Variants in PPFIA1 observed in about 807,000 individuals in gnomAD.
PPFIA1 encodes liprin-alpha-1.
Under a neutral mutation model 149.9 loss-of-function variants are expected in PPFIA1, and 25 were observed. The ratio of observed to expected loss-of-function variants is 0.17; its 90% confidence interval spans 0.12 to 0.23. The LOEUF (loss-of-function observed/expected upper bound fraction) is 0.23. PPFIA1 is among the 10% of genes least tolerant of loss of function. PPFIA1 has a pLI of 1.00. For synonymous variants in PPFIA1, 549 were observed against 552.8 expected, an observed-to-expected ratio of 0.99 and a Z score of 0.10; for missense variants, 1,362 against 1,506.5, an observed-to-expected ratio of 0.90 and a Z score of 1.59.
intron 25 of PPFIA1, among the ~76,000 whole-genome samples, chr11:70,377,267 C>G (rs989595518): frequency 6.6e-6 from 1 of 152,112 alleles, no homozygotes. Context: ...CTACCCCAGT[C>G]CAGAGTGTAC....
intron 2 of PPFIA1, chr11:70,278,966 A>G: frequency 1.6e-6 from 1 of 614,670 alleles, no homozygotes; most frequent in South Asian, 1.5e-5. Flanking sequence ...GGATGTGTGG[A>G]ATGACACCTT....
chr11:70,303,221 G>A (rs1049323562), intron 2 of PPFIA1, among the ~76,000 whole-genome samples: 2 of 152,090 alleles, frequency 1.3e-5, no homozygotes, highest in African/African-American at 4.8e-5. Context: ...CAGCCCTACC[G>A]CGTGTTCGAG....
rs116051370 is a variant in PPFIA1 at position 70,377,986 on chromosome 11, T to C, written c.3385-44T>C. 2.2e-4 allele frequency: 328 copies of C among 1,498,018 alleles called. 2 individuals carry two copies. The African/African-American group carries it at 4.0e-3, about 18-fold the overall frequency. The allele number at this position is 1,498,018 out of a possible 1,614,324, so 92.8% of individuals were successfully genotyped here. A position where few individuals can be genotyped will look rare whatever the true frequency, so the allele number is the denominator to read the frequency against. ...ACATGTAACTTTACATCTCTGACCT[T>C]TATTTTTTAAATGAATCTTGTTTTT... is the stretch of plus-strand genomic sequence containing the variant. On this transcript the variant is annotated intron_variant, in intron 25 of 27. Coordinates refer to ENST00000253925, the MANE Select transcript of PPFIA1 (RefSeq NM_003626.5).
intron 2 of PPFIA1, among the ~76,000 whole-genome samples, chr11:70,277,232 T>C (rs7933864): frequency 6.6e-6 from 1 of 151,462 alleles, no homozygotes; most frequent in East Asian, 1.9e-4. Context: ...CCCCAGCTGG[T>C]CTTCAACTCC....
In PPFIA1 at chr11:70,308,134, C is replaced by G. The variant is rs2052993886; in HGVS notation, c.265-16268C>G. Among the ~76,000 whole-genome samples the G allele has an allele frequency of 2.6e-5, 4 of 152,202 alleles. No individual in the cohort carries two copies. The South Asian group carries it at 8.3e-4, about 32-fold the overall frequency. On this transcript the variant is annotated intron_variant, in intron 2 of 27. Coordinates refer to ENST00000253925, the MANE Select transcript of PPFIA1 (RefSeq NM_003626.5). ...TGCGATCTCGGCTCACCGCAACCTT[C>G]GCCTCCTGGGATCAAGCGATTCTCC... is the stretch of plus-strand genomic sequence containing the variant.
At chr11:70,345,349 A>G (rs1022023301) in intron 15 of PPFIA1, among the ~76,000 whole-genome samples, 3 of 151,332 alleles carry the variant, frequency 2.0e-5, no homozygotes, top group African/African-American at 4.9e-5. Flanking sequence ...AAGAATTTTA[A>G]GAAGGGAGGC....
intron 2 of PPFIA1, among the ~76,000 whole-genome samples, chr11:70,299,784 G>A (rs942023535): frequency 6.6e-6 from 1 of 152,028 alleles, no homozygotes; most frequent in African/African-American, 2.4e-5. Flanking sequence ...ATACACACTC[G>A]CCTTTGATGT....
chr11:70,360,659 G>A (rs973050485), intron 19 of PPFIA1, among the ~76,000 whole-genome samples: 5 of 152,368 alleles, frequency 3.3e-5, no homozygotes, highest in Admixed American at 6.5e-5. Flanking sequence ...GGTGATTGGC[G>A]CCATGCAGCG....
intron 18 of PPFIA1, 22 bp downstream of exon 18, chr11:70,355,833 T>G: frequency 6.3e-7 from 1 of 1,594,868 alleles, no homozygotes; most frequent in Non-Finnish European, 8.5e-7. Context: ...TTCCGCACCC[T>G]TCTCAGCACC....
intron 19 of PPFIA1, among the ~76,000 whole-genome samples, chr11:70,358,908 G>C (rs1044315368): frequency 6.6e-6 from 1 of 152,160 alleles, no homozygotes; most frequent in Admixed American, 6.5e-5. Flanking sequence ...ATTCCCCAGC[G>C]TTCTTGAAAC....
intron 15 of PPFIA1, 72 bp downstream of exon 15, chr11:70,343,964 GTC>G (rs2055518392): frequency 7.6e-7 from 1 of 1,317,298 alleles, no homozygotes; most frequent in African/African-American, 1.5e-5. Context: ...GCCTGGAAAA[GTC>G]TGGATGAAAT....
intron 21 of PPFIA1, chr11:70,364,449 T>C (rs903014765): frequency 1.3e-5 from 2 of 152,230 alleles, no homozygotes; most frequent in South Asian, 4.1e-4. Flanking sequence ...GCTTTTAGTC[T>C]CCTCAGGAGA....
intron 2 of PPFIA1, among the ~76,000 whole-genome samples, chr11:70,314,931 G>C (rs925822773): frequency 6.6e-6 from 1 of 152,196 alleles, no homozygotes; most frequent in Non-Finnish European, 1.5e-5. Flanking sequence ...AGGCAAAGGA[G>C]AAGCAGGCAC....
At chr11:70,375,279 G>A (rs2057445479) in intron 24 of PPFIA1, 186 bp downstream of exon 24, 2 of 416,992 alleles carry the variant, frequency 4.8e-6, no homozygotes, top group South Asian at 8.0e-5. Flanking sequence ...AAGCATGAGA[G>A]TCCTGCAATA....
At chr11:70,301,225 A>T (rs1284810889) in intron 2 of PPFIA1, among the ~76,000 whole-genome samples, 1 of 152,156 alleles carries the variant, frequency 6.6e-6, no homozygotes, top group Non-Finnish European at 1.5e-5. Context: ...ACTAACATAA[A>T]GTATCTACCA....
rs867062551 is a variant in PPFIA1, at chr11:70,332,748, G to A, written c.1212+654G>A. Reference sequence around the variant, plus strand: ...CGGGCACAAACCCAGCCTCTGGGGCGTGGGGAGCCCAGCACTGCAGTGCCA... The same window carrying A: ...CGGGCACAAACCCAGCCTCTGGGGCATGGGGAGCCCAGCACTGCAGTGCCA... On this transcript the variant is annotated intron_variant, in intron 9 of 27. Coordinates refer to ENST00000253925, the MANE Select transcript of PPFIA1 (RefSeq NM_003626.5). Among the ~76,000 whole-genome samples the A allele has an allele frequency of 8.5e-5, 13 of 152,322 alleles. No homozygotes were observed. The South Asian group carries it at 2.3e-3, about 27-fold the overall frequency.
intron 2 of PPFIA1, among the ~76,000 whole-genome samples, chr11:70,298,218 G>C (rs1033429423): frequency 1.4e-4 from 21 of 152,186 alleles, no homozygotes; most frequent in African/African-American, 4.3e-4. Context: ...ATTTCAAGGA[G>C]AAAGGTTCAT....
At chr11:70,277,062 T>TATAATATATATA (rs2050451150) in intron 2 of PPFIA1, among the ~76,000 whole-genome samples, 1 of 96,452 alleles carries the variant, frequency 1.0e-5, no homozygotes, top group African/African-American at 5.4e-5. Context: ...ATATATATAT[T>TATAATATATATA]TTTTTTTTTC....
At chr11:70,318,533 A>C (rs1182615411) in intron 2 of PPFIA1, among the ~76,000 whole-genome samples, 1 of 152,216 alleles carries the variant, frequency 6.6e-6, no homozygotes, top group Admixed American at 6.5e-5. Context: ...TCATCCTGCA[A>C]AGGTCTTTCT....
Sources: allele counts gnomAD v4.1 joint callset (sites outside exome capture counted in the v4.1 genomes callset), GRCh38; gene constraint gnomAD v4.1.1; transcripts MANE v1.5; gene names NCBI Gene and HGNC (gene_info 2026-07-23, HGNC 2026-07-21).